TRAPPC11: variants seen among roughly 807,000 people sequenced by gnomAD.
TRAPPC11 encodes trafficking protein particle complex subunit 11.
TRAPPC11 carries 104 observed loss-of-function variants against 151.2 expected under a neutral mutation model. The ratio of observed to expected loss-of-function variants is 0.69; its 90% CI spans 0.59 to 0.81. The LOEUF (loss-of-function observed/expected upper bound fraction) is 0.81, where lower values mean the gene tolerates loss of function less well. TRAPPC11 is among the 30% of genes least tolerant of loss of function. The pLI is 0.00. For synonymous variants in TRAPPC11, 456 were observed against 472.3 expected (o/e 0.97, Z 0.45); for missense variants, 1,230 against 1,349.6 (o/e 0.91, Z 1.39).
At chr4:183,682,920 A>G in intron 11 of TRAPPC11, 95 bp downstream of exon 11, 1 of 815,370 alleles carries the variant, frequency 1.2e-6, no homozygotes, top group Non-Finnish European at 2.0e-6. Flanking sequence ...ATAAGAAATT[A>G]TGTTGAAGTA....
intron 23 of TRAPPC11, among the ~76,000 whole-genome samples, chr4:183,696,228 A>G (rs1233381922): frequency 1.3e-5 from 2 of 152,318 alleles, no homozygotes; most frequent in East Asian, 1.9e-4. Context: ...ATTAGGTTCA[A>G]GGTCACAGAG....
chr4:183,660,407 C>T (rs1298901083), intron 1 of TRAPPC11, among the ~76,000 whole-genome samples: 1 of 152,128 alleles, frequency 6.6e-6, no homozygotes, highest in African/African-American at 2.4e-5. Context: ...TAAAATATGT[C>T]ATTAATAACT....
chr4:183,706,190 A>G (rs1737056808), intron 27 of TRAPPC11, among the ~76,000 whole-genome samples: 1 of 152,218 alleles, frequency 6.6e-6, no homozygotes, highest in Non-Finnish European at 1.5e-5. Flanking sequence ...CTAGTTTAGG[A>G]ACCATGAGTG....
intron 14 of TRAPPC11, 71 bp downstream of exon 14, chr4:183,684,430 T>C (rs1463017259): frequency 7.2e-6 from 10 of 1,388,960 alleles, no homozygotes; most frequent in Non-Finnish European, 1.0e-5. Context: ...TAGAAATCAG[T>C]GTTGAAGGAG....
chr4:183,691,327 G>T lies in TRAPPC11; in HGVS notation c.1905G>T (p.Gln635His). The T allele has an allele frequency of 6.5e-7, 1 of 1,533,106 alleles. No individual in the cohort carries two copies. The allele number at this position is 1,533,106 out of a possible 1,614,324, so 95.0% of individuals were successfully genotyped here. The change falls in exon 19 of 30, where the codon CAG becomes CAT. Residue 635 changes from glutamine (Q) to histidine (H), a missense_variant. Physicochemically the swap from Gln to His is conservative, Grantham distance 24. Transcript: ENST00000334690. ...TTCACCTTTTTCAGGAATACAACCA[G>T]TTCTGTGTAATAGAAGAAGCATCCA... ...CVSFNNQEYN[Q>H]FCVIEEASKA... is the part of the protein sequence containing the mutation.
intron 18 of TRAPPC11, among the ~76,000 whole-genome samples, chr4:183,687,904 A>G (rs528329200): frequency 6.6e-6 from 1 of 152,328 alleles, no homozygotes; most frequent in East Asian, 1.9e-4. Context: ...CTGCACATGA[A>G]TATATAAGCA....
At chr4:183,684,599 A>G (rs1173387969) in intron 14 of TRAPPC11, 97 bp from the exon 15 acceptor site, 31 of 1,341,962 alleles carry the variant, frequency 2.3e-5, no homozygotes, top group Non-Finnish European at 2.8e-5. Context: ...AGATTTTTCT[A>G]TACTTACATA....
intron 17 of TRAPPC11, among the ~76,000 whole-genome samples, chr4:183,686,378 C>A (rs913448762): frequency 6.6e-6 from 1 of 152,214 alleles, no homozygotes; most frequent in Non-Finnish European, 1.5e-5. Flanking sequence ...CTCAAGTGAT[C>A]CGCCTGGCTT....
rs192795827 is a variant in TRAPPC11, at chr4:183,706,294, T to C, written c.3056-513T>C. Among the ~76,000 whole-genome samples, 374 of 152,252 alleles carry C rather than the reference T, an allele frequency of 2.5e-3. 1 individual carries two copies. Among genetic ancestry groups the C allele is most frequent in the African/African-American group, 8.5e-3 (354 of 41,556 alleles). On this transcript the variant is annotated intron_variant, in intron 27 of 29. Transcript: ENST00000334690. ...ATCCCAGCACTTTGGGAGGCCAAGGTGGGTGGATCACGAGGTCAGGAGATC... is the reference window on the plus strand; with the variant it reads ...ATCCCAGCACTTTGGGAGGCCAAGGCGGGTGGATCACGAGGTCAGGAGATC...
intron 2 of TRAPPC11, 66 bp from the exon 3 acceptor site, chr4:183,666,191 G>A (rs1734872453): frequency 6.7e-7 from 1 of 1,484,122 alleles, no homozygotes. Context: ...TAAAGTGCTT[G>A]GCACTCAGTA....
chr4:183,664,643 AATT>A (rs1734748408), intron 2 of TRAPPC11, among the ~76,000 whole-genome samples: 1 of 152,170 alleles, frequency 6.6e-6, no homozygotes, highest in African/African-American at 2.4e-5. Context: ...CTTAGATAAT[AATT>A]ATTATCATGA....
At chr4:183,674,420 CAAAAAAAA>C (rs34161415) in intron 5 of TRAPPC11, among the ~76,000 whole-genome samples, 34 of 40,010 alleles carry the variant, frequency 8.5e-4, no homozygotes, top group African/African-American at 2.5e-3. Context: ...GACCCTGTCT[CAAAAAAAA>C]AAAAAAAAAA....
chr4:183,665,936 T>C, intron 2 of TRAPPC11, among the ~76,000 whole-genome samples: 1 of 151,764 alleles, frequency 6.6e-6, no homozygotes, highest in Non-Finnish European at 1.5e-5. Context: ...CTACTTTTTT[T>C]TTTTTTTTTT....
At chr4:183,701,592 A>G in intron 25 of TRAPPC11, 105 bp from the exon 26 acceptor site, 4 of 757,626 alleles carry the variant, frequency 5.3e-6, no homozygotes, top group Non-Finnish European at 9.2e-6. Flanking sequence ...TACAAGTAAT[A>G]TATAGTGGGT....
intron 1 of TRAPPC11, among the ~76,000 whole-genome samples, chr4:183,662,373 G>A (rs200378921): frequency 1.2e-3 from 127 of 109,708 alleles, no homozygotes; most frequent in African/African-American, 1.7e-3. Context: ...AAAAAAAAAA[G>A]AACCTCATGT....
At chr4:183,669,944 T>A (rs1735069860) in intron 5 of TRAPPC11, among the ~76,000 whole-genome samples, 1 of 152,208 alleles carries the variant, frequency 6.6e-6, no homozygotes, top group South Asian at 2.1e-4. Flanking sequence ...ATTGTCAAAA[T>A]AACTGATGTA....
chr4:183,684,252 T>A (rs1735850796), intron 13 of TRAPPC11, 29 bp downstream of exon 13: 1 of 1,612,922 alleles, frequency 6.2e-7, no homozygotes, highest in African/African-American at 1.3e-5. Context: ...CACCATTGCA[T>A]GCAACTTTGA....
chr4:183,691,227 G>A, intron 18 of TRAPPC11, 89 bp from the exon 19 acceptor site: 1 of 1,027,246 alleles, frequency 9.7e-7, no homozygotes, highest in Non-Finnish European at 1.3e-6. Context: ...TTCAGTGTTT[G>A]TGGAGTTATA....
intron 6 of TRAPPC11, 25 bp downstream of exon 6, chr4:183,674,837 A>C: frequency 7.4e-7 from 1 of 1,354,920 alleles, no homozygotes. Context: ...GCAATAATAG[A>C]AGCATTCTGG....
Sources: gnomAD v4.1 joint callset for allele counts (sites outside exome capture counted in the v4.1 genomes callset) on GRCh38, gnomAD v4.1.1 for gene constraint, MANE v1.5 for transcripts, NCBI Gene and HGNC (gene_info 2026-07-23, HGNC 2026-07-21) for gene names.